Variants in MTHFD2L observed in about 807,000 individuals in gnomAD.
MTHFD2L encodes the protein bifunctional methylenetetrahydrofolate dehydrogenase/cyclohydrolase 2, mitochondrial.
In MTHFD2L, 29 loss-of-function variants were observed where a neutral mutation model predicts 34.9. The observed-to-expected ratio is 0.83, with a 90% CI of 0.62 to 1.13. The LOEUF is 1.13. Among genes scored for constraint, MTHFD2L ranks in the 50% most tolerant of loss-of-function variants. The pLI is 0.00. For missense variants in MTHFD2L, 481 were observed against 446.5 expected, an observed-to-expected ratio of 1.08 and a Z score of -0.70; for synonymous variants, 167 against 155.7, an observed-to-expected ratio of 1.07 and a Z score of -0.54.
At chr4:74,222,226 G>A (rs753176633) in intron 5 of MTHFD2L, among the ~76,000 whole-genome samples, 3 of 151,972 alleles carry the variant, frequency 2.0e-5, no homozygotes, top group Non-Finnish European at 4.4e-5. Flanking sequence ...ATTTGTCTGC[G>A]TTTTAGTCTG....
intron 5 of MTHFD2L, among the ~76,000 whole-genome samples, chr4:74,219,086 T>A (rs948978737): frequency 1.3e-5 from 2 of 151,988 alleles, no homozygotes; most frequent in African/African-American, 4.8e-5. Flanking sequence ...TGATTTAAAG[T>A]GTGTAGGAGT....
At chr4:74,234,358 T>A (rs1740528758) in intron 6 of MTHFD2L, among the ~76,000 whole-genome samples, 1 of 152,098 alleles carries the variant, frequency 6.6e-6, no homozygotes, top group African/African-American at 2.4e-5. Context: ...ATTTTCAATC[T>A]ACCTGTTTTA....
At chr4:74,262,208 T>C (rs1279321304) in intron 6 of MTHFD2L, among the ~76,000 whole-genome samples, 3 of 151,814 alleles carry the variant, frequency 2.0e-5, no homozygotes, top group Non-Finnish European at 2.9e-5. Flanking sequence ...CTAGTTAAAC[T>C]CCTACTCACC....
chr4:74,158,371 G>T, intron 1 of MTHFD2L, 90 bp downstream of exon 1: 1 of 976,142 alleles, frequency 1.0e-6, no homozygotes. Flanking sequence ...GGGGCCCAAG[G>T]CTCGTGGGCG....
At chr4:74,284,906 T>C (rs925820546) in intron 7 of MTHFD2L, among the ~76,000 whole-genome samples, 14 of 152,000 alleles carry the variant, frequency 9.2e-5, no homozygotes, top group Non-Finnish European at 1.9e-4. Flanking sequence ...TTTATTTCAG[T>C]ACTATTCACA....
chr4:74,128,773 C>G (rs1211398784), intron 1 of MTHFD2L, among the ~76,000 whole-genome samples: 1 of 152,026 alleles, frequency 6.6e-6, no homozygotes, highest in Non-Finnish European at 1.5e-5. Context: ...AGAATTTTGA[C>G]AGGGATTGCA....
rs143328237 is a variant in MTHFD2L, at chr4:74,224,594, T to C, written c.713-708T>C. On this transcript the variant is annotated intron_variant, in intron 5 of 7. Transcript: ENST00000325278. Reference sequence around the variant, plus strand: ...CCAACTTTCCCTCACTCTCCTTTCATGGCTCACACTTTAAATATTGGAATC... The same window carrying C: ...CCAACTTTCCCTCACTCTCCTTTCACGGCTCACACTTTAAATATTGGAATC... 3.4e-3 allele frequency among the ~76,000 whole-genome samples: 520 copies of C among 152,296 alleles called. 1 individual carries two copies. The highest frequency in any genetic ancestry group is 8.9e-3 in the South Asian group (43 of 4,832).
intron 3 of MTHFD2L, 107 bp downstream of exon 3, chr4:74,175,510 A>G: frequency 1.7e-6 from 2 of 1,210,820 alleles, no homozygotes; most frequent in Non-Finnish European, 2.3e-6. Context: ...TACATTCAGA[A>G]GGAGACTAGC....
At chr4:74,299,357 G>A (rs1054234402) in intron 7 of MTHFD2L, among the ~76,000 whole-genome samples, 1 of 151,718 alleles carries the variant, frequency 6.6e-6, no homozygotes, top group South Asian at 2.1e-4. Flanking sequence ...TAGTAGTAGT[G>A]TAAATAGTAG....
At chr4:74,153,330 G>T (rs997755804), upstream of MTHFD2L, among the ~76,000 whole-genome samples, 1 of 152,158 alleles carries the variant, frequency 6.6e-6, no homozygotes, top group African/African-American at 2.4e-5. Flanking sequence ...TATTAAATAA[G>T]ATGCCCCAAG....
intron 1 of MTHFD2L, among the ~76,000 whole-genome samples, chr4:74,172,125 T>C (rs1382730671): frequency 6.6e-6 from 1 of 152,166 alleles, no homozygotes; most frequent in Non-Finnish European, 1.5e-5. Flanking sequence ...AACCAATATA[T>C]ACTGAACAAA....
chr4:74,134,536 G>C (rs1413848069), intron 1 of MTHFD2L, among the ~76,000 whole-genome samples: 1 of 152,100 alleles, frequency 6.6e-6, no homozygotes, highest in Non-Finnish European at 1.5e-5. Context: ...GATAAAGCTG[G>C]ACTAAATAAT....
At chr4:74,139,353 C>T (rs967547973) in intron 1 of MTHFD2L, among the ~76,000 whole-genome samples, 5 of 152,156 alleles carry the variant, frequency 3.3e-5, no homozygotes, top group Admixed American at 2.6e-4. Flanking sequence ...TCTGATTTGG[C>T]ATCTCCTTTG....
intron 6 of MTHFD2L, among the ~76,000 whole-genome samples, chr4:74,241,082 T>G (rs1464401287): frequency 6.6e-6 from 1 of 152,102 alleles, no homozygotes; most frequent in African/African-American, 2.4e-5. Flanking sequence ...TATAAAGAAG[T>G]CATCTAGTTC....
Position 74,220,465 on chromosome 4 carries a change from C to T in MTHFD2L, c.713-4837C>T, listed in dbSNP as rs558327359. On this transcript the variant is annotated intron_variant, in intron 5 of 7. Coordinates refer to ENST00000325278, the MANE Select transcript of MTHFD2L (RefSeq NM_001144978.3). ...ATTAACCTTAGTATCAAATTACATA[C>T]TTCCAAAAAGTTCATTTTTATTGGA... is the stretch of plus-strand genomic sequence containing the variant. 4.0e-5 allele frequency among the ~76,000 whole-genome samples: 6 copies of T among 151,888 alleles called. No individual in the cohort carries two copies. In the East Asian group the frequency reaches 9.7e-4, roughly 24 times the overall value.
At chr4:74,274,763 G>A (rs1746403249) in intron 6 of MTHFD2L, among the ~76,000 whole-genome samples, 1 of 152,114 alleles carries the variant, frequency 6.6e-6, no homozygotes, top group Non-Finnish European at 1.5e-5. Flanking sequence ...GTTCAGTGAG[G>A]TCACATTAGT....
At chr4:74,207,443 A>T (rs547916586) in intron 5 of MTHFD2L, among the ~76,000 whole-genome samples, 1 of 152,226 alleles carries the variant, frequency 6.6e-6, no homozygotes, top group East Asian at 1.9e-4. Context: ...TCTTGATTTC[A>T]TTCAGCCAAT....
At chr4:74,239,341 G>C (rs958897735) in intron 6 of MTHFD2L, among the ~76,000 whole-genome samples, 1 of 152,000 alleles carries the variant, frequency 6.6e-6, no homozygotes, top group Non-Finnish European at 1.5e-5. Context: ...GTCGTAGTTT[G>C]GGGGGGCAGA....
intron 1 of MTHFD2L, among the ~76,000 whole-genome samples, chr4:74,172,175 G>A (rs1728142785): frequency 6.6e-6 from 1 of 152,186 alleles, no homozygotes; most frequent in Non-Finnish European, 1.5e-5. Flanking sequence ...TTGAGGAGTG[G>A]AATCTGGCAG....
Sources: allele counts gnomAD v4.1 joint callset (sites outside exome capture counted in the v4.1 genomes callset), GRCh38; gene constraint gnomAD v4.1.1; transcripts MANE v1.5; gene names NCBI Gene and HGNC (gene_info 2026-07-23, HGNC 2026-07-21).